The following APOB variants were observed in gnomAD, a reference collection of about 807,000 sequenced individuals.
APOB encodes the protein apolipoprotein B-100.
APOB carries 153 observed loss-of-function variants against 314.1 expected under a neutral mutation model. That is an observed-to-expected ratio of 0.49 (90% CI 0.43 to 0.56). The LOEUF is 0.56. Among genes scored for constraint, APOB ranks in the 20% least tolerant of loss-of-function variants. The probability of loss-of-function intolerance (pLI) is 0.00; values close to 1 mark genes in which losing one functional copy is unlikely to be tolerated. For synonymous variants in APOB, 2,087 were observed against 2,036.4 expected (o/e 1.02, Z -0.67); for missense variants, 5,430 against 5,350.7 (o/e 1.01, Z -0.46).
At position 21,008,948 on chromosome 2, in the gene APOB, T is replaced by C; in HGVS notation, c.7920A>G (p.Lys2640=). The part of the protein sequence containing the change: ...QINFKDLKNI[K]IPSRFSTPEF... ...CTGGTGTGGAAAACCTGGATGGGATTTTTATATTTTTTAAGTCTTTGAAGT... is the reference window on the plus strand; with the variant it reads ...CTGGTGTGGAAAACCTGGATGGGATCTTTATATTTTTTAAGTCTTTGAAGT... The change falls in exon 26 of 29, where the codon AAA becomes AAG. Residue 2640 remains lysine (K), a synonymous_variant. Coordinates refer to ENST00000233242, the MANE Select transcript of APOB (RefSeq NM_000384.3). The C allele has an allele frequency of 6.2e-7, 1 of 1,613,956 alleles. No homozygotes were observed. The highest frequency in any genetic ancestry group is 8.5e-7 in the Non-Finnish European group (1 of 1,179,912).
In APOB at chr2:21,008,440, C is replaced by A. The variant is rs761386986; in HGVS notation, c.8428G>T (p.Ala2810Ser). 6.2e-7 allele frequency: 1 copy of A among 1,613,956 alleles called. No homozygotes were observed. Among genetic ancestry groups the A allele is most frequent in the African/African-American group, 1.3e-5 (1 of 74,914 alleles). ...KLEVLNFDFQ[A>S]NAQLSNPKIN... ...TTAGGGTTTGAGAGTTGTGCATTTG[C>A]TTGAAAATCAAAATTGAGAACTTCT... Residue 2810 changes from alanine (A) to serine (S), a missense_variant, in exon 26 of 29, where the codon GCA becomes TCA. By Grantham distance (99) the Ala-to-Ser change is moderately conservative. This residue lies in a region of APOB where 3,281 missense variants were observed against 3,171.0 expected (regional missense o/e 1.03). Transcript: ENST00000233242.
intron 4 of APOB, among the ~76,000 whole-genome samples, chr2:21,039,555 G>A (rs597331): frequency 0.4 from 60,591 of 152,094 alleles, 14,113 homozygotes; most frequent in East Asian, 0.85. Context: ...TTCCCAACAC[G>A]AAGAAATGAT....
rs200852303 is a variant in APOB at position 21,024,916 on chromosome 2, G to T, written c.2436+17C>A. 16 of 1,613,708 alleles carry T rather than the reference G, an allele frequency of 9.9e-6. No homozygotes were observed. In the Admixed American group the frequency reaches 2.0e-4, roughly 20 times the overall value. On this transcript the variant is annotated intron_variant, in intron 16 of 28. Coordinates refer to ENST00000233242, the MANE Select transcript of APOB (RefSeq NM_000384.3). The stretch of plus-strand genomic sequence containing the variant: ...ACGTCTGGTCTCATGGGCCCCCAGT[G>T]GGGCCTGCTGACTTACCATCTGGGG...
chr2:21,021,322 C>A (rs1663600983), intron 18 of APOB, among the ~76,000 whole-genome samples: 1 of 152,186 alleles, frequency 6.6e-6, no homozygotes, highest in Admixed American at 6.5e-5. Context: ...CTGCTCACTC[C>A]TTTCTATACC....
At position 21,009,330 on chromosome 2, in the gene APOB, C is replaced by T. The variant is rs554045156; in HGVS notation, c.7538G>A (p.Arg2513Gln). The T allele has an allele frequency of 3.0e-5, 49 of 1,614,038 alleles. 1 individual carries two copies. In the South Asian group the frequency reaches 4.1e-4, roughly 13 times the overall value. The change falls in exon 26 of 29, where the codon CGA becomes CAA. Residue 2513 changes from arginine to glutamine, a missense_variant. Physicochemically the swap from Arg to Gln is conservative, Grantham distance 43. Coordinates refer to ENST00000233242, the MANE Select transcript of APOB (RefSeq NM_000384.3). Reference sequence around the variant, plus strand: ...GTCTCGTGTATCTTCTAGGGTCTCTCGGAATTTGGCCTTCATGTGAGCCAA... The same window carrying T: ...GTCTCGTGTATCTTCTAGGGTCTCTTGGAATTTGGCCTTCATGTGAGCCAA... ...ASLAHMKAKF[R>Q]ETLEDTRDRM... is the part of the protein sequence containing the mutation.
chr2:21,010,906 T>C lies in APOB; in HGVS notation c.5962A>G (p.Asn1988Asp), dbSNP rs991387853. The C allele has an allele frequency of 1.7e-5, 28 of 1,614,122 alleles. No homozygotes were observed. The highest frequency in any genetic ancestry group is 2.2e-5 in the Non-Finnish European group (26 of 1,179,998). ...TGTWKLKTQF[N>D]NNEYSQDLDA... ...AAGTCCTGGCTGTATTCATTGTTGT[T>C]AAATTGGGTCTTGAGTTTCCAGGTG... The change falls in exon 26 of 29, where the codon AAC becomes GAC. Residue 1988 changes from asparagine to aspartate, a missense_variant. By Grantham distance (23) the Asn-to-Asp change is conservative. Transcript: ENST00000233242.
In APOB at chr2:21,032,500, A is replaced by T; in HGVS notation, c.1206T>A (p.His402Gln). 6.2e-7 allele frequency: 1 copy of T among 1,614,222 alleles called. No individual in the cohort carries two copies. Among genetic ancestry groups the T allele is most frequent in the Non-Finnish European group, 8.5e-7 (1 of 1,180,044 alleles). ...THILQWLKRV[H>Q]ANPLLIDVVT... is the part of the protein sequence containing the mutation. ...CCACATCTATCAGAAGGGGGTTGGCATGCACACGTTTCAGCCACTGGAGGA... is the reference window on the plus strand; with the variant it reads ...CCACATCTATCAGAAGGGGGTTGGCTTGCACACGTTTCAGCCACTGGAGGA... The change falls in exon 10 of 29, where the codon CAT (histidine) becomes CAA (glutamine). Residue 402 changes from histidine (H) to glutamine (Q), a missense_variant. Transcript: ENST00000233242.
At position 21,009,366 on chromosome 2, in the gene APOB, C is replaced by T. The variant is rs893804958; in HGVS notation, c.7502G>A (p.Ser2501Asn). Residue 2501 changes from serine (S) to asparagine (N), a missense_variant, in exon 26 of 29, where the codon AGT becomes AAT. Coordinates refer to ENST00000233242, the MANE Select transcript of APOB (RefSeq NM_000384.3). ...LIINWLQEAL[S>N]SASLAHMKAK... ...CTTCATGTGAGCCAAAGATGCTGAA[C>T]TTAAAGCCTCCTGTAACCAATTGAT... 16 of 1,614,004 alleles carry T rather than the reference C, an allele frequency of 9.9e-6. No individual in the cohort carries two copies. The highest frequency in any genetic ancestry group is 1.7e-5 in the Admixed American group (1 of 59,994).
intron 9 of APOB, among the ~76,000 whole-genome samples, 194 bp downstream of exon 9, chr2:21,033,105 T>C (rs1663918432): frequency 6.6e-6 from 1 of 152,186 alleles, no homozygotes; most frequent in African/African-American, 2.4e-5. Context: ...TTGAACACAG[T>C]ATGCGCGTGT....
chr2:21,020,285 C>A (rs907241979), intron 18 of APOB, among the ~76,000 whole-genome samples: 6 of 152,176 alleles, frequency 3.9e-5, no homozygotes, highest in Admixed American at 2.6e-4. Flanking sequence ...TATGAAATCT[C>A]CTACTCTCTA....
At position 21,022,941 on chromosome 2, in the gene APOB, G is replaced by A. The variant is rs1801700; in HGVS notation, c.2706C>T (p.Asn902=). The A allele has an allele frequency of 0.045, 73,417 of 1,614,096 alleles. 1,944 individuals are homozygous for A. The highest frequency in any genetic ancestry group is 0.053 in the Non-Finnish European group (62,122 of 1,179,976). The part of the protein sequence containing the change: ...PDFARSGVQM[N]TNFFHESGLE... ...GACCCGACTCGTGGAAGAAGTTGGTGTTCATCTGGACCCCACTCCTAGCGA... is the reference window on the plus strand; with the variant it reads ...GACCCGACTCGTGGAAGAAGTTGGTATTCATCTGGACCCCACTCCTAGCGA... Residue 902 remains asparagine, a synonymous_variant, in exon 18 of 29, where the codon AAC becomes AAT. Coordinates refer to ENST00000233242, the MANE Select transcript of APOB (RefSeq NM_000384.3).
chr2:21,009,081 G>C lies in APOB; in HGVS notation c.7787C>G (p.Thr2596Ser). Reference protein sequence around the residue: ...TVPEIKTILGTMPAFEVSLQA... With the variant: ...TVPEIKTILGSMPAFEVSLQA... ...AAGACTGACTTCAAAGGCAGGCATG[G>C]TCCCAAGGATGGTCTTGATTTCAGG... Residue 2596 changes from threonine to serine, a missense_variant, in exon 26 of 29, where the codon ACC (threonine) becomes AGC (serine). Transcript: ENST00000233242. 1.1e-5 allele frequency: 18 copies of C among 1,614,078 alleles called. No individual in the cohort carries two copies. Among genetic ancestry groups the C allele is most frequent in the Non-Finnish European group, 1.5e-5 (18 of 1,179,952 alleles).
At chr2:21,026,656 A>G in intron 15 of APOB, 132 bp downstream of exon 15, 1 of 777,690 alleles carries the variant, frequency 1.3e-6, no homozygotes. Flanking sequence ...TTACCCCAGC[A>G]GGTCTGGTTG....
At chr2:21,025,967 T>G (rs1663723033) in intron 15 of APOB, among the ~76,000 whole-genome samples, 1 of 152,200 alleles carries the variant, frequency 6.6e-6, no homozygotes, top group Non-Finnish European at 1.5e-5. Flanking sequence ...GCTAGTGCAC[T>G]GATGGGAGTG....
chr2:21,037,259 T>C lies in APOB; in HGVS notation c.538-4A>G. 1 of 1,613,854 alleles carries C rather than the reference T, an allele frequency of 6.2e-7. No individual in the cohort carries two copies. Among genetic ancestry groups the C allele is most frequent in the Non-Finnish European group, 8.5e-7 (1 of 1,179,900 alleles). On this transcript the variant is annotated splice_region_variant and splice_polypyrimidine_tract_variant and intron_variant, in intron 5 of 28. Coordinates refer to ENST00000233242, the MANE Select transcript of APOB (RefSeq NM_000384.3). Reference sequence around the variant, plus strand: ...AGCAGTTTCCATACACGGTATCCTATGGAGGAAGAAGATGCAACCACATGT... The same window carrying C: ...AGCAGTTTCCATACACGGTATCCTACGGAGGAAGAAGATGCAACCACATGT...
rs1439624189 is a variant in APOB at position 21,013,169 on chromosome 2, T to G, written c.4207A>C (p.Asn1403His). 2 of 1,613,696 alleles carry G rather than the reference T, an allele frequency of 1.2e-6. No homozygotes were observed. Among genetic ancestry groups the G allele is most frequent in the Non-Finnish European group, 1.7e-6 (2 of 1,179,968 alleles). ...CCTGAGCATAGCTCACCTTGCACAT[T>G]GTAGGAAAGCAGGTCAACCACAGAG... is the stretch of plus-strand genomic sequence containing the variant. Reference protein sequence around the residue: ...ADSVVDLLSYNVQGSGETTYD... With the variant: ...ADSVVDLLSYHVQGSGETTYD... The change falls in exon 25 of 29, where the codon AAT (asparagine) becomes CAT (histidine). Residue 1403 changes from asparagine (N) to histidine (H), a missense_variant. This residue lies in a region of APOB where 2,085 missense variants were observed against 2,079.7 expected (regional missense o/e 1.00). Transcript: ENST00000233242.
Position 21,007,488 on chromosome 2 carries a change from T to A in APOB, c.9380A>T (p.Asn3127Ile). The A allele has an allele frequency of 3.7e-6, 6 of 1,614,132 alleles. No individual in the cohort carries two copies. Among genetic ancestry groups the A allele is most frequent in the Non-Finnish European group, 4.2e-6 (5 of 1,179,974 alleles). Residue 3127 changes from asparagine (N) to isoleucine (I), a missense_variant, in exon 26 of 29, where the codon AAC (asparagine) becomes ATC (isoleucine). Around this residue, in one of 3 missense-constraint regions of APOB, gnomAD observed 3,281 missense variants for 3,171.0 expected, o/e 1.03. Transcript: ENST00000233242. ...INGEANLDFL[N>I]IPLTIPEMRL... Reference sequence around the variant, plus strand: ...CATTTCAGGAATTGTTAAAGGAATGTTTAAGAAATCCAGATTTGCTTCTCC... The same window carrying A: ...CATTTCAGGAATTGTTAAAGGAATGATTAAGAAATCCAGATTTGCTTCTCC...
intron 15 of APOB, among the ~76,000 whole-genome samples, chr2:21,026,303 A>G (rs1372891232): frequency 6.6e-6 from 1 of 151,928 alleles, no homozygotes; most frequent in Non-Finnish European, 1.5e-5. Context: ...GCTGGAGTGT[A>G]ACGGCGTGAT....
rs1049932199 is a variant in APOB at position 21,002,317 on chromosome 2, C to T, written c.13105G>A (p.Glu4369Lys). ...FNEFIQNELQ[E>K]ASQELQQIHQ... Reference sequence around the variant, plus strand: ...ATCTGCTGTAACTCTTGAGAAGCTTCCTGAAGCTCGTTTTGAATAAATTCA... The same window carrying T: ...ATCTGCTGTAACTCTTGAGAAGCTTTCTGAAGCTCGTTTTGAATAAATTCA... Residue 4369 changes from glutamate to lysine, a missense_variant, in exon 29 of 29, where the codon GAA becomes AAA. By Grantham distance (56) the Glu-to-Lys change is moderately conservative. Transcript: ENST00000233242. 2.5e-6 allele frequency: 4 copies of T among 1,613,092 alleles called. No individual in the cohort carries two copies. Among genetic ancestry groups the T allele is most frequent in the Non-Finnish European group, 3.4e-6 (4 of 1,179,776 alleles).
Sources: gnomAD v4.1 joint callset for allele counts (sites outside exome capture counted in the v4.1 genomes callset) on GRCh38, gnomAD v4.1.1 for gene constraint, gnomAD v4.1.1 regional missense constraint, MANE v1.5 for transcripts, NCBI Gene and HGNC (gene_info 2026-07-23, HGNC 2026-07-21) for gene names.